AGK: variants seen among roughly 807,000 people sequenced by gnomAD.
AGK encodes the protein acylglycerol kinase, also known as acylglycerol kinase, mitochondrial.
In AGK, 52 loss-of-function variants were observed where a neutral mutation model predicts 66.4. The ratio of observed to expected loss-of-function variants is 0.78; its 90% CI spans 0.63 to 0.99. The LOEUF (loss-of-function observed/expected upper bound fraction) is 0.99, where lower values mean the gene tolerates loss of function less well. Ranked by LOEUF, AGK falls within the 50% of genes least tolerant of loss-of-function variation. The probability of loss-of-function intolerance (pLI) is 0.00; values close to 1 mark genes in which losing one functional copy is unlikely to be tolerated. For missense variants in AGK, 451 were observed against 506.6 expected (o/e 0.89, Z 1.05); for synonymous variants, 182 against 181.1 (o/e 1.00, Z -0.04).
rs774147304 is a variant in AGK, at chr7:141,651,594, T to G, written c.1116T>G (p.Thr372=). 7 of 1,614,214 alleles carry G rather than the reference T, an allele frequency of 4.3e-6. No homozygotes were observed. Among genetic ancestry groups the G allele is most frequent in the Non-Finnish European group, 5.1e-6 (6 of 1,180,032 alleles). Residue 372 remains threonine, a synonymous_variant, in exon 15 of 16, where the codon ACT becomes ACG. Transcript: ENST00000649286. ...AGTGTCTCCAAGCCAGCCAGTGCACTTTGCTTATCCCGGAGGTGAGTGGGG... is the reference window on the plus strand; with the variant it reads ...AGTGTCTCCAAGCCAGCCAGTGCACGTTGCTTATCCCGGAGGTGAGTGGGG... ...GTECLQASQC[T]LLIPEGAGGS...
chr7:141,605,300 G>A (rs994206467), intron 5 of AGK, among the ~76,000 whole-genome samples: 1 of 152,134 alleles, frequency 6.6e-6, no homozygotes, highest in African/African-American at 2.4e-5. Flanking sequence ...GTATGAGTGA[G>A]TCAACCCCGC....
rs183254842 is a variant in AGK, at chr7:141,615,265, T to C, written c.424-206T>C. ...TGAGTACTAAAATATTTCTTCCAAA[T>C]TCTGAGTCATTTTGTTTTCATTGAC... is the stretch of plus-strand genomic sequence containing the variant. On this transcript the variant is annotated intron_variant, in intron 7 of 15. Transcript: ENST00000649286. Among the ~76,000 whole-genome samples, 188 of 152,356 alleles carry C rather than the reference T, an allele frequency of 1.2e-3. 2 individuals carry two copies. The highest frequency in any genetic ancestry group is 4.3e-3 in the African/African-American group (179 of 41,584).
intron 5 of AGK, among the ~76,000 whole-genome samples, chr7:141,605,544 G>T (rs568447419): frequency 2.6e-4 from 40 of 151,970 alleles, no homozygotes; most frequent in African/African-American, 9.4e-4. Context: ...CTTTATTCTC[G>T]TTTATTGATG....
rs577537096 is a variant in AGK, at chr7:141,614,279, G to A, written c.423+101G>A. On this transcript the variant is annotated intron_variant, in intron 7 of 15. Coordinates refer to ENST00000649286, the MANE Select transcript of AGK (RefSeq NM_018238.4). ...TTTTTTCCATTGTATATTTTAAAAC[G>A]GGTACAAATTGTGCTTTCTTGAATT... is the stretch of plus-strand genomic sequence containing the variant. 1.9e-3 allele frequency: 1,633 copies of A among 850,580 alleles called. 3 individuals are homozygous for A. The highest frequency in any genetic ancestry group is 3.6e-3 in the Middle Eastern group (10 of 2,762). The allele number at this position is 850,580 out of a possible 1,614,324, so 52.7% of individuals were successfully genotyped here. A position where few individuals can be genotyped will look rare whatever the true frequency, so the allele number is the denominator to read the frequency against.
At chr7:141,614,208 C>T in intron 7 of AGK, 30 bp downstream of exon 7, 1 of 1,456,466 alleles carries the variant, frequency 6.9e-7, no homozygotes, top group Non-Finnish European at 9.3e-7. Flanking sequence ...TGCATTTTAA[C>T]TTTTATTTTT....
rs780635315 is a variant in AGK at position 141,649,250 on chromosome 7, T to C, written c.976-13T>C. ...TTTAAGAGTAATGACGTTAGTGTTC[T>C]TAACCTTTTTAGAGCAAAGAAGATT... On this transcript the variant is annotated splice_polypyrimidine_tract_variant and intron_variant, in intron 13 of 15. Coordinates refer to ENST00000649286, the MANE Select transcript of AGK (RefSeq NM_018238.4). 1.9e-6 allele frequency: 3 copies of C among 1,606,706 alleles called. No individual in the cohort carries two copies. Among genetic ancestry groups the C allele is most frequent in the East Asian group, 4.5e-5 (2 of 44,818 alleles).
At position 141,651,965 on chromosome 7, in the gene AGK, G is replaced by A. The variant is rs148689906; in HGVS notation, c.1131+356G>A. Among the ~76,000 whole-genome samples, 254 of 152,242 alleles carry A rather than the reference G, an allele frequency of 1.7e-3. 1 individual carries two copies. Among genetic ancestry groups the A allele is most frequent in the Non-Finnish European group, 1.6e-3 (112 of 68,004 alleles). On this transcript the variant is annotated intron_variant, in intron 15 of 15. Coordinates refer to ENST00000649286, the MANE Select transcript of AGK (RefSeq NM_018238.4). ...GTCTAGCTGGCAAATGTTAATAGTG[G>A]CTTTTACTTTAACATTTTTTATAAA...
intron 5 of AGK, among the ~76,000 whole-genome samples, chr7:141,610,142 T>A (rs912015750): frequency 2.0e-5 from 3 of 152,076 alleles, no homozygotes; most frequent in African/African-American, 7.2e-5. Flanking sequence ...ATAATTTTTG[T>A]ATTTTTAGTA....
chr7:141,651,704 C>T (rs1797563872), intron 15 of AGK, 95 bp downstream of exon 15: 2 of 1,182,996 alleles, frequency 1.7e-6, no homozygotes, highest in East Asian at 4.7e-5. Flanking sequence ...TGTTAGCTGA[C>T]CTAGACTTAG....
At chr7:141,644,281 G>T (rs1429780782) in intron 13 of AGK, among the ~76,000 whole-genome samples, 1 of 152,112 alleles carries the variant, frequency 6.6e-6, no homozygotes, top group Non-Finnish European at 1.5e-5. Context: ...GTGAGTATGT[G>T]AGTGCGCTCA....
chr7:141,551,915 A>G (rs1389594849), intron 1 of AGK, among the ~76,000 whole-genome samples: 1 of 152,166 alleles, frequency 6.6e-6, no homozygotes, highest in Non-Finnish European at 1.5e-5. Flanking sequence ...AAACATTTCC[A>G]CCTGGATACT....
chr7:141,641,986 C>A, intron 13 of AGK, 78 bp downstream of exon 13: 1 of 1,235,392 alleles, frequency 8.1e-7, no homozygotes, highest in Non-Finnish European at 1.2e-6. Context: ...CCCACTAATT[C>A]AGTTATTTTT....
chr7:141,630,551 ATGTTT>A (rs1797032970), intron 9 of AGK, among the ~76,000 whole-genome samples: 1 of 152,066 alleles, frequency 6.6e-6, no homozygotes, highest in African/African-American at 2.4e-5. Flanking sequence ...ATAATAATTT[ATGTTT>A]TGTTTTAAAA....
chr7:141,552,945 A>G (rs1795130080), intron 1 of AGK, among the ~76,000 whole-genome samples: 1 of 152,056 alleles, frequency 6.6e-6, no homozygotes. Flanking sequence ...CTATCTACGT[A>G]TGTTTCTCTC....
rs1359175961 is a variant in AGK, at chr7:141,561,082, C to T, written c.101+5515C>T. On this transcript the variant is annotated intron_variant, in intron 2 of 15. Transcript: ENST00000649286. ...TGCTGGGATTACAGGCGTGAGCCAC[C>T]GCGCCCGGCCCATTATTTCAGTTTA... is the stretch of plus-strand genomic sequence containing the variant. Among the ~76,000 whole-genome samples the T allele has an allele frequency of 7.2e-5, 11 of 152,176 alleles. No homozygotes were observed. In the East Asian group the frequency reaches 7.7e-4, roughly 11 times the overall value.
chr7:141,556,164 G>A (rs1795206293), intron 2 of AGK, among the ~76,000 whole-genome samples: 1 of 152,144 alleles, frequency 6.6e-6, no homozygotes, highest in Non-Finnish European at 1.5e-5. Context: ...GAGACAAATG[G>A]TTGCATTCTT....
intron 2 of AGK, among the ~76,000 whole-genome samples, chr7:141,589,563 AT>A (rs111279199): frequency 0.012 from 1,718 of 144,414 alleles, 13 homozygotes; most frequent in African/African-American, 0.023. Flanking sequence ...GTTAAGTATG[AT>A]TTTTTTTTTT....
chr7:141,580,190 A>G (rs1795850897), intron 2 of AGK, among the ~76,000 whole-genome samples: 1 of 151,996 alleles, frequency 6.6e-6, no homozygotes, highest in Non-Finnish European at 1.5e-5. Context: ...CAGTATAAAT[A>G]TTGATGCGTA....
chr7:141,581,383 A>G (rs1053428970), intron 2 of AGK, among the ~76,000 whole-genome samples: 5 of 151,948 alleles, frequency 3.3e-5, no homozygotes, highest in African/African-American at 1.2e-4. Flanking sequence ...TTGGCACCAC[A>G]GGGTGGATAG....
Sources: allele counts gnomAD v4.1 joint callset (sites outside exome capture counted in the v4.1 genomes callset), GRCh38; gene constraint gnomAD v4.1.1; transcripts MANE v1.5; gene names NCBI Gene and HGNC (gene_info 2026-07-23, HGNC 2026-07-21).